Variants in SEC61B observed in about 807,000 individuals in gnomAD.
SEC61B encodes protein transport protein Sec61 subunit beta.
SEC61B carries 7 observed loss-of-function variants against 12.6 expected under a neutral mutation model. That is an observed-to-expected ratio of 0.55 (90% confidence interval 0.32 to 1.04). The LOEUF (loss-of-function observed/expected upper bound fraction) is 1.04. Among genes scored for constraint, SEC61B ranks in the 50% least tolerant of loss-of-function variants. SEC61B has a pLI of 0.05. For missense variants in SEC61B, 107 were observed against 130.1 expected (o/e 0.82, Z 0.86); for synonymous variants, 54 against 50.1 (o/e 1.08, Z -0.33).
At chr9:99,225,576 A>T (rs771833362) in intron 2 of SEC61B, among the ~76,000 whole-genome samples, 3 of 152,294 alleles carry the variant, frequency 2.0e-5, no homozygotes, top group Non-Finnish European at 4.4e-5. Flanking sequence ...TAGAAGGGAG[A>T]GACAGTTACA....
rs114605119 is a variant in SEC61B, at chr9:99,228,237, G to C, written c.203+237G>C. Among the ~76,000 whole-genome samples the C allele has an allele frequency of 6.8e-3, 1,031 of 152,334 alleles. 10 individuals carry two copies. Among genetic ancestry groups the C allele is most frequent in the African/African-American group, 0.024 (989 of 41,562 alleles). On this transcript the variant is annotated intron_variant, in intron 3 of 3. Transcript: ENST00000223641. ...GAAAGGAAAGGAAGTTCTTCATGGA[G>C]CTATGTCAAAATAAATGAGAACAGA...
chr9:99,225,704 T>A (rs1281059716), intron 2 of SEC61B, among the ~76,000 whole-genome samples: 1 of 152,230 alleles, frequency 6.6e-6, no homozygotes, highest in Non-Finnish European at 1.5e-5. Context: ...GAGTACACTT[T>A]AGTATTTCTA....
At chr9:99,222,788 C>A in intron 2 of SEC61B, 145 bp downstream of exon 2, 2 of 602,280 alleles carry the variant, frequency 3.3e-6, no homozygotes, top group Admixed American at 3.4e-5. Context: ...TAGTTAAAGG[C>A]CTTTTGGGAG....
chr9:99,229,794 G>C (rs920338362), intron 3 of SEC61B, among the ~76,000 whole-genome samples: 6 of 152,098 alleles, frequency 3.9e-5, no homozygotes, highest in African/African-American at 1.4e-4. Context: ...AGGGTGTGTG[G>C]GGTATCCATT....
intron 3 of SEC61B, 70 bp downstream of exon 3, chr9:99,228,070 C>A: frequency 8.5e-7 from 1 of 1,182,200 alleles, no homozygotes; most frequent in South Asian, 1.3e-5. Context: ...CACTCTGTCT[C>A]TGTCACCAGT....
At chr9:99,227,770 T>C in intron 2 of SEC61B, 129 bp from the exon 3 acceptor site, 1 of 655,354 alleles carries the variant, frequency 1.5e-6, no homozygotes, top group Admixed American at 2.8e-5. Context: ...AGCAGGAATT[T>C]AGGTGGATTC....
intron 2 of SEC61B, 33 bp downstream of exon 2, chr9:99,222,676 C>A: frequency 7.0e-7 from 1 of 1,420,702 alleles, no homozygotes; most frequent in Non-Finnish European, 9.5e-7. Flanking sequence ...CGCTTCCAGA[C>A]TCGGAGATAG....
rs1320408947 is a variant in SEC61B, at chr9:99,230,552, T to A, written c.*128T>A. ...AGCTTGCTGTTTTACAGGGGATTTATCAATAATTGATTTTGAGGAATCAGT... is the reference window on the plus strand; with the variant it reads ...AGCTTGCTGTTTTACAGGGGATTTAACAATAATTGATTTTGAGGAATCAGT... On this transcript the variant is annotated 3_prime_UTR_variant, in exon 4 of 4. Coordinates refer to ENST00000223641, the MANE Select transcript of SEC61B (RefSeq NM_006808.3). The A allele has an allele frequency of 4.6e-6, 3 of 655,762 alleles. No homozygotes were observed. Among genetic ancestry groups the A allele is most frequent in the African/African-American group, 3.8e-5 (2 of 53,056 alleles). 40.6% of individuals were successfully genotyped at this position (655,762 alleles called of 1,614,324 possible).
chr9:99,224,182 A>G (rs1254654446), intron 2 of SEC61B, among the ~76,000 whole-genome samples: 1 of 152,222 alleles, frequency 6.6e-6, no homozygotes, highest in East Asian at 1.9e-4. Flanking sequence ...TAAATCTAAA[A>G]CTGATGATTT....
chr9:99,229,428 G>C (rs971879180), intron 3 of SEC61B, among the ~76,000 whole-genome samples: 3 of 152,130 alleles, frequency 2.0e-5, no homozygotes, highest in African/African-American at 7.2e-5. Flanking sequence ...GGGCTCAAGT[G>C]ATCTTTACTC....
intron 2 of SEC61B, among the ~76,000 whole-genome samples, chr9:99,227,411 A>G (rs1828911973): frequency 6.6e-6 from 1 of 152,222 alleles, no homozygotes; most frequent in South Asian, 2.1e-4. Flanking sequence ...CTAATTTTAA[A>G]ATACATCTTT....
Position 99,222,363 on chromosome 9 carries a change from T to C in SEC61B, c.-1T>C, listed in dbSNP as rs1436042904. On this transcript the variant is annotated 5_prime_UTR_variant, in exon 1 of 4. Coordinates refer to ENST00000223641, the MANE Select transcript of SEC61B (RefSeq NM_006808.3). ...AGCGCCTTGCCACCCTCATCTCCAA[T>C]ATGGTATGGCGGCCCTTCCATGATC... is the stretch of plus-strand genomic sequence containing the variant. 6.2e-7 allele frequency: 1 copy of C among 1,613,978 alleles called. No homozygotes were observed. The highest frequency in any genetic ancestry group is 1.7e-5 in the Admixed American group (1 of 60,002).
At chr9:99,222,446 G>T in intron 1 of SEC61B, 80 bp downstream of exon 1, 1 of 1,609,422 alleles carries the variant, frequency 6.2e-7, no homozygotes, top group Non-Finnish European at 8.5e-7. Flanking sequence ...TTCCTCTGTA[G>T]CTCCCTTGCT....
At chr9:99,230,234 C>G (rs1368918457) in intron 3 of SEC61B, 103 bp from the exon 4 acceptor site, 5 of 638,446 alleles carry the variant, frequency 7.8e-6, no homozygotes, top group Non-Finnish European at 1.4e-5. Context: ...ACCTTGAGTG[C>G]TGCCCACCTT....
At chr9:99,228,578 T>C (rs1271107930) in intron 3 of SEC61B, among the ~76,000 whole-genome samples, 1 of 152,222 alleles carries the variant, frequency 6.6e-6, no homozygotes, top group Non-Finnish European at 1.5e-5. Flanking sequence ...CAGGGACCCC[T>C]GTCCCCATGC....
chr9:99,230,337 T>C lies in SEC61B; in HGVS notation c.204T>C (p.Val68=). Residue 68 remains valine, a splice_region_variant and synonymous_variant, in exon 4 of 4, where the codon GTT becomes GTC. Transcript: ENST00000223641. ...FYTEDSPGLK[V]GPVPVLVMSL... Reference sequence around the variant, plus strand: ...GCATGCTTTCTCTTCTTATTTCTAGTGGCCCTGTTCCAGTATTGGTTATGA... The same window carrying C: ...GCATGCTTTCTCTTCTTATTTCTAGCGGCCCTGTTCCAGTATTGGTTATGA... The C allele has an allele frequency of 6.3e-7, 1 of 1,587,386 alleles. No homozygotes were observed. The highest frequency in any genetic ancestry group is 1.7e-4 in the Middle Eastern group (1 of 6,004).
intron 2 of SEC61B, among the ~76,000 whole-genome samples, chr9:99,226,415 T>A (rs1045678314): frequency 1.3e-5 from 2 of 152,118 alleles, no homozygotes; most frequent in Admixed American, 1.3e-4. Context: ...GGGATAGGGT[T>A]TTCACTTCTC....
chr9:99,227,110 A>T (rs1003393345), intron 2 of SEC61B, among the ~76,000 whole-genome samples: 3 of 152,048 alleles, frequency 2.0e-5, no homozygotes, highest in Admixed American at 6.5e-5. Context: ...TACTAAAAAT[A>T]CAAAAATTAG....
At chr9:99,227,816 T>A in intron 2 of SEC61B, 83 bp from the exon 3 acceptor site, 1 of 941,022 alleles carries the variant, frequency 1.1e-6, no homozygotes, top group Non-Finnish European at 1.7e-6. Flanking sequence ...ATTCCTTAAC[T>A]GTGTAATAAT....
Sources: allele counts gnomAD v4.1 joint callset (sites outside exome capture counted in the v4.1 genomes callset), GRCh38; gene constraint gnomAD v4.1.1; transcripts MANE v1.5; gene names NCBI Gene and HGNC (gene_info 2026-07-23, HGNC 2026-07-21).